The following ZNF554 variants were observed in gnomAD, a reference collection of about 807,000 sequenced individuals.
ZNF554 encodes zinc finger protein 554.
Under a neutral mutation model 21.2 loss-of-function variants are expected in ZNF554, and 15 were observed. The ratio of observed to expected loss-of-function variants is 0.71; its 90% CI spans 0.47 to 1.09. The LOEUF (loss-of-function observed/expected upper bound fraction) is 1.09, where lower values mean the gene tolerates loss of function less well. Ranked by LOEUF, ZNF554 falls within the 50% of genes least tolerant of loss-of-function variation. The probability of loss-of-function intolerance (pLI) is 0.00; values close to 1 mark genes in which losing one functional copy is unlikely to be tolerated. For missense variants in ZNF554, 691 were observed against 662.7 expected, an observed-to-expected ratio of 1.04 and a Z score of -0.47; for synonymous variants, 258 against 251.4, an observed-to-expected ratio of 1.03 and a Z score of -0.25.
intron 2 of ZNF554, among the ~76,000 whole-genome samples, chr19:2,824,597 T>G (rs1206461972): frequency 3.3e-5 from 5 of 152,240 alleles, no homozygotes; most frequent in Non-Finnish European, 7.3e-5. Flanking sequence ...CTTTACCATC[T>G]TAGCCGTTGA....
intron 1 of ZNF554, among the ~76,000 whole-genome samples, chr19:2,820,779 C>G (rs747139327): frequency 6.7e-6 from 1 of 149,928 alleles, no homozygotes; most frequent in Non-Finnish European, 1.5e-5. Flanking sequence ...ATTGTCCTGC[C>G]TCAGCCTCCC....
intron 1 of ZNF554, among the ~76,000 whole-genome samples, chr19:2,822,178 G>C (rs2087273184): frequency 6.6e-6 from 1 of 151,992 alleles, no homozygotes. Flanking sequence ...AGCCTCCTGA[G>C]TAGCTGGGTT....
In ZNF554 at chr19:2,821,201, C is replaced by G. The variant is rs113417565; in HGVS notation, c.53+1077C>G. Among the ~76,000 whole-genome samples the G allele has an allele frequency of 2.0e-5, 3 of 151,872 alleles. No homozygotes were observed. Among genetic ancestry groups the G allele is most frequent in the Non-Finnish European group, 4.4e-5 (3 of 68,002 alleles). ...TCGTGGGTTCAAGTGATTCTCCTGCCTCAGCCTCCCAAGTAGCTGGGATTA... is the reference window on the plus strand; with the variant it reads ...TCGTGGGTTCAAGTGATTCTCCTGCGTCAGCCTCCCAAGTAGCTGGGATTA... On this transcript the variant is annotated intron_variant, in intron 1 of 4. Coordinates refer to ENST00000317243, the MANE Select transcript of ZNF554 (RefSeq NM_001102651.2). This position sits in a 1 kb window ranked among gnomAD's most constrained non-coding sequence, Gnocchi z 8.2.
In ZNF554 at chr19:2,820,243, C is replaced by T. The variant is rs187255322; in HGVS notation, c.53+119C>T. On this transcript the variant is annotated intron_variant, in intron 1 of 4. Transcript: ENST00000317243. ...TGACCCTGTCGCGATAGGGTCCCCACGGGAGGGTCGGGAGCCGGCAGCTCG... is the reference window on the plus strand; with the variant it reads ...TGACCCTGTCGCGATAGGGTCCCCATGGGAGGGTCGGGAGCCGGCAGCTCG... 214 of 919,496 alleles carry T rather than the reference C, an allele frequency of 2.3e-4. No homozygotes were observed. In the East Asian group the frequency reaches 6.9e-3, roughly 30 times the overall value. 57.0% of individuals were successfully genotyped at this position (919,496 alleles called of 1,614,324 possible).
chr19:2,833,571 A>C, intron 4 of ZNF554, 110 bp from the exon 5 acceptor site: 1 of 879,412 alleles, frequency 1.1e-6, no homozygotes, highest in Non-Finnish European at 1.7e-6. Flanking sequence ...TTGATATTTG[A>C]ACATCAGTCC....
rs2087355513 is a variant in ZNF554 at position 2,827,762 on chromosome 19, A to T, written c.253+19A>T. The T allele has an allele frequency of 6.2e-7, 1 of 1,613,582 alleles. No homozygotes were observed. Among genetic ancestry groups the T allele is most frequent in the Non-Finnish European group, 8.5e-7 (1 of 1,179,840 alleles). ...TCCCTGGGTAAGGCAAGCATCACTAATTCCTGTGTTCATTGATTCACATTT... is the reference window on the plus strand; with the variant it reads ...TCCCTGGGTAAGGCAAGCATCACTATTTCCTGTGTTCATTGATTCACATTT... On this transcript the variant is annotated intron_variant, in intron 3 of 4. Transcript: ENST00000317243.
At chr19:2,820,683 C>CTTTTTTTTTTTTTTTTTTTTTTTTTTTT (rs1568330714) in intron 1 of ZNF554, among the ~76,000 whole-genome samples, 1 of 81,836 alleles carries the variant, frequency 1.2e-5, no homozygotes, top group Admixed American at 1.1e-4. Context: ...CAGCAAGGGT[C>CTTTTTTTTTTTTTTTTTTTTTTTTTTTT]CTTTTTTTTT....
At position 2,834,335 on chromosome 19, in the gene ZNF554, TCA is replaced by T. The variant is rs1228411851; in HGVS notation, c.1102_1103del (p.Thr368AlafsTer16). On this transcript the variant is annotated frameshift_variant, in exon 5 of 5. Transcript: ENST00000317243. LOFTEE classifies it low-confidence loss of function (END_TRUNC). The stretch of plus-strand genomic sequence containing the variant: ...CGAGCCTTTACGCACAGCTCCACCC[TCA>T]CGCGCCATCTGAGAACTCATACTGG... The T allele has an allele frequency of 6.2e-7, 1 of 1,613,994 alleles. No homozygotes were observed. Among genetic ancestry groups the T allele is most frequent in the Non-Finnish European group, 8.5e-7 (1 of 1,180,012 alleles).
chr19:2,827,295 A>G (rs1208673180), intron 2 of ZNF554, among the ~76,000 whole-genome samples: 1 of 152,218 alleles, frequency 6.6e-6, no homozygotes, highest in African/African-American at 2.4e-5. Context: ...TTTCAGAATC[A>G]GCAGGGGGAG....
At chr19:2,823,627 G>T (rs183617137) in intron 2 of ZNF554, among the ~76,000 whole-genome samples, 1 of 152,076 alleles carries the variant, frequency 6.6e-6, no homozygotes, top group Non-Finnish European at 1.5e-5. Flanking sequence ...CAGCAGGGAC[G>T]GTAGCTCCTC....
chr19:2,827,783 C>T (rs767256155), intron 3 of ZNF554, 40 bp downstream of exon 3: 101 of 1,611,488 alleles, frequency 6.3e-5, no homozygotes, highest in Non-Finnish European at 8.0e-5. Context: ...CATTGATTCA[C>T]ATTTATCTGG....
chr19:2,823,035 C>A lies in ZNF554; in HGVS notation c.54-5C>A, dbSNP rs943120703. On this transcript the variant is annotated splice_region_variant and splice_polypyrimidine_tract_variant and intron_variant, in intron 1 of 4. Transcript: ENST00000317243. ...GTATTCGCAGCGCCTTTTTCCTCCC[C>A]ACAGCTCTGCCTGCCCAGGAACCTG... The A allele has an allele frequency of 2.2e-5, 36 of 1,612,900 alleles. No individual in the cohort carries two copies. Among genetic ancestry groups the A allele is most frequent in the Non-Finnish European group, 2.8e-5 (33 of 1,179,324 alleles).
At chr19:2,823,421 A>G (rs1003545935) in intron 2 of ZNF554, among the ~76,000 whole-genome samples, 11 of 152,256 alleles carry the variant, frequency 7.2e-5, no homozygotes, top group Middle Eastern at 3.4e-3. Flanking sequence ...TCCAAGAAGA[A>G]TGAGGTATAC....
chr19:2,834,665 C>T lies in ZNF554; in HGVS notation c.1430C>T (p.Ser477Phe). 6.2e-7 allele frequency: 1 copy of T among 1,614,004 alleles called. No homozygotes were observed. Among genetic ancestry groups the T allele is most frequent in the Non-Finnish European group, 8.5e-7 (1 of 1,179,956 alleles). ...TGTGGGAGAGCCTTCAGCCAGAGGT[C>T]TTCCCTTGTGAGGCACGAGAGAACT... Reference protein sequence around the residue: ...KQCGRAFSQRSSLVRHERTHT... With the variant: ...KQCGRAFSQRFSLVRHERTHT... Residue 477 changes from serine (S) to phenylalanine (F), a missense_variant, in exon 5 of 5, where the codon TCT (serine) becomes TTT (phenylalanine). Physicochemically the swap from Ser to Phe is radical, Grantham distance 155 (BLOSUM62 -2). Transcript: ENST00000317243.
Position 2,819,942 on chromosome 19 carries a change from G to C in ZNF554, c.-130G>C. On this transcript the variant is annotated 5_prime_UTR_variant, in exon 1 of 5. Transcript: ENST00000317243. ...GCGAGTTCCTGAGGGGCGCCTGCGGGGGGCGTCCGCTCCGAGCGCCGAGGA... is the reference window on the plus strand; with the variant it reads ...GCGAGTTCCTGAGGGGCGCCTGCGGCGGGCGTCCGCTCCGAGCGCCGAGGA... The C allele has an allele frequency of 1.5e-6, 1 of 667,870 alleles. No homozygotes were observed. The highest frequency in any genetic ancestry group is 2.0e-6 in the Non-Finnish European group (1 of 491,900). 41.4% of individuals were successfully genotyped at this position (667,870 alleles called of 1,614,324 possible).
In ZNF554 at chr19:2,834,547, T is replaced by C. The variant is rs1245757374; in HGVS notation, c.1312T>C (p.Cys438Arg). The change falls in exon 5 of 5, where the codon TGC becomes CGC. Residue 438 changes from cysteine (C) to arginine (R), a missense_variant. Physicochemically the swap from Cys to Arg is radical, Grantham distance 180. Coordinates refer to ENST00000317243, the MANE Select transcript of ZNF554 (RefSeq NM_001102651.2). ...ACACACCGGAGAGAAGCCCTACGAA[T>C]GCAGTGAATGTGGAAAGGCCTTCAG... ...RTHTGEKPYE[C>R]SECGKAFSDR... 1 of 1,614,030 alleles carries C rather than the reference T, an allele frequency of 6.2e-7. No individual in the cohort carries two copies.
In ZNF554 at chr19:2,825,003, GTTT is replaced by G. The variant is rs140025750; in HGVS notation, c.126+1916_126+1918del. 5.6e-3 allele frequency among the ~76,000 whole-genome samples: 549 copies of G among 97,540 alleles called. 1 individual carries two copies. The highest frequency in any genetic ancestry group is 0.02 in the African/African-American group (518 of 26,370). The allele number at this position is 97,540 out of a possible 152,430, so 64.0% of individuals were successfully genotyped here. ...CACTGAGCATAACGTGATTGCAGTT[GTTT>G]TTTTTTTTTTTTTTTTTTTTTTTTG... On this transcript the variant is annotated intron_variant, in intron 2 of 4. Coordinates refer to ENST00000317243, the MANE Select transcript of ZNF554 (RefSeq NM_001102651.2).
At position 2,834,473 on chromosome 19, in the gene ZNF554, G is replaced by C. The variant is rs770451722; in HGVS notation, c.1238G>C (p.Cys413Ser). 4 of 1,614,092 alleles carry C rather than the reference G, an allele frequency of 2.5e-6. No individual in the cohort carries two copies. In the South Asian group the frequency reaches 4.4e-5, roughly 18 times the overall value. The change falls in exon 5 of 5, where the codon TGT becomes TCT. Residue 413 changes from cysteine (C) to serine (S), a missense_variant. Cys to Ser is a moderately radical substitution (Grantham distance 112, BLOSUM62 -1). Coordinates refer to ENST00000317243, the MANE Select transcript of ZNF554 (RefSeq NM_001102651.2). ...TGEKPYKCED[C>S]GKSFCQSSYL... ...GAAAAGCCCTATAAATGTGAAGACT[G>C]TGGGAAATCCTTCTGCCAGAGCTCT...
rs8102063 is a variant in ZNF554 at position 2,834,810 on chromosome 19, T to C, written c.1575T>C (p.Cys525=). The C allele has an allele frequency of 0.46, 742,364 of 1,605,850 alleles. 174,420 individuals are homozygous for C. The highest frequency in any genetic ancestry group is 0.56 in the South Asian group (50,932 of 90,740). Reference sequence around the variant, plus strand: ...AGAAAACCTATAAAATCATTGACTGTGGGAAAGCGTTCTACCAGAACAGAC... The same window carrying C: ...AGAAAACCTATAAAATCATTGACTGCGGGAAAGCGTTCTACCAGAACAGAC... ...SSQKTYKIID[C]GKAFYQNRHL... The change falls in exon 5 of 5, where the codon TGT becomes TGC. Residue 525 remains cysteine (C), a synonymous_variant. Transcript: ENST00000317243.
Sources: allele counts gnomAD v4.1 joint callset (sites outside exome capture counted in the v4.1 genomes callset), GRCh38; gene constraint gnomAD v4.1.1; non-coding constraint Gnocchi (gnomAD v3.1); transcripts MANE v1.5; gene names NCBI Gene and HGNC (gene_info 2026-07-23, HGNC 2026-07-21).